The following NR6A1 variants were observed in gnomAD, a reference collection of about 807,000 sequenced individuals.
NR6A1 encodes nuclear receptor subfamily 6 group A member 1, also known as retinoic acid receptor-related testis-associated receptor.
In NR6A1, 7 loss-of-function variants were observed where a neutral mutation model predicts 59.1. That is an observed-to-expected ratio of 0.12 (90% CI 0.07 to 0.22). The LOEUF is 0.22. Ranked by LOEUF, NR6A1 falls within the 10% of genes least tolerant of loss-of-function variation. The pLI is 1.00. For missense variants in NR6A1, 468 were observed against 611.6 expected (o/e 0.77, Z 2.48); for synonymous variants, 243 against 236.1 (o/e 1.03, Z -0.27).
intron 2 of NR6A1, among the ~76,000 whole-genome samples, chr9:124,596,793 CGTGCT>C (rs1476561310): frequency 1.3e-5 from 2 of 152,188 alleles, no homozygotes; most frequent in East Asian, 3.9e-4. Context: ...ATTGGAGCCA[CGTGCT>C]AATGGCACAT....
intron 2 of NR6A1, among the ~76,000 whole-genome samples, chr9:124,713,533 G>A (rs561940032): frequency 1.6e-4 from 24 of 152,040 alleles, no homozygotes; most frequent in Admixed American, 6.6e-4. Context: ...GAAAGAACTC[G>A]TATAACTGAA....
intron 2 of NR6A1, among the ~76,000 whole-genome samples, chr9:124,592,922 A>G (rs1163813273): frequency 6.6e-6 from 1 of 152,184 alleles, no homozygotes; most frequent in South Asian, 2.1e-4. Context: ...GAAAGTACCT[A>G]ATGAATTAAT....
intron 2 of NR6A1, among the ~76,000 whole-genome samples, chr9:124,674,283 T>C (rs1016717291): frequency 6.6e-6 from 1 of 152,198 alleles, no homozygotes; most frequent in African/African-American, 2.4e-5. Context: ...AAATGGTAGA[T>C]GTTACCCCTT....
intron 2 of NR6A1, among the ~76,000 whole-genome samples, chr9:124,722,052 C>T (rs893721535): frequency 2.6e-5 from 4 of 152,196 alleles, no homozygotes; most frequent in African/African-American, 9.7e-5. Context: ...GCTATCCTTA[C>T]TATTATGTGG....
intron 2 of NR6A1, among the ~76,000 whole-genome samples, chr9:124,559,889 C>A (rs184969465): frequency 3.9e-4 from 60 of 152,154 alleles, no homozygotes; most frequent in Non-Finnish European, 6.9e-4. Flanking sequence ...ACAAAGTATC[C>A]AGAACTGAAT....
intron 2 of NR6A1, among the ~76,000 whole-genome samples, chr9:124,558,916 T>A (rs556552088): frequency 6.6e-6 from 1 of 152,182 alleles, no homozygotes; most frequent in East Asian, 1.9e-4. Flanking sequence ...TAATCGTGCC[T>A]GGCCAGATGT....
intron 2 of NR6A1, among the ~76,000 whole-genome samples, chr9:124,708,382 A>G (rs150349915): frequency 6.6e-6 from 1 of 152,340 alleles, no homozygotes; most frequent in East Asian, 1.9e-4. Flanking sequence ...CCCCAAGTAC[A>G]GTGGTTTTCA....
chr9:124,616,163 C>T (rs1835884038), intron 2 of NR6A1, among the ~76,000 whole-genome samples: 2 of 151,494 alleles, frequency 1.3e-5, no homozygotes, highest in South Asian at 4.2e-4. Context: ...TTTGGGAGGC[C>T]GAGGTGAGCA....
At chr9:124,717,695 C>T (rs1432449126) in intron 2 of NR6A1, among the ~76,000 whole-genome samples, 1 of 152,122 alleles carries the variant, frequency 6.6e-6, no homozygotes, top group Non-Finnish European at 1.5e-5. Flanking sequence ...TAGATCTATG[C>T]GTTTCATTGC....
At chr9:124,554,632 T>C in intron 2 of NR6A1, 62 bp from the exon 3 acceptor site, 1 of 1,604,222 alleles carries the variant, frequency 6.2e-7, no homozygotes, top group Non-Finnish European at 8.5e-7. Context: ...GTTCCTAAAG[T>C]GAGCAACTCT....
chr9:124,731,356 C>T (rs1214594823), intron 2 of NR6A1, among the ~76,000 whole-genome samples: 1 of 146,126 alleles, frequency 6.8e-6, no homozygotes. Context: ...GGTGACAGAG[C>T]GAAACTCCAT....
chr9:124,686,448 C>T (rs1295006726), intron 2 of NR6A1, among the ~76,000 whole-genome samples: 1 of 152,202 alleles, frequency 6.6e-6, no homozygotes. Flanking sequence ...ATGAATATCA[C>T]CTACTGCATG....
intron 4 of NR6A1, 114 bp from the exon 5 acceptor site, chr9:124,540,301 C>G (rs1833406587): frequency 1.1e-5 from 12 of 1,141,938 alleles, no homozygotes; most frequent in Non-Finnish European, 1.5e-5. Context: ...GGTTCCCTCT[C>G]CTCCATCCCC....
intron 3 of NR6A1, among the ~76,000 whole-genome samples, chr9:124,548,193 G>T (rs1833657597): frequency 6.6e-6 from 1 of 152,116 alleles, no homozygotes; most frequent in African/African-American, 2.4e-5. Flanking sequence ...AAGCAAATGT[G>T]GCAAAATGTT....
At chr9:124,538,439 C>T (rs1833347809) in intron 5 of NR6A1, 120 bp from the exon 6 acceptor site, 2 of 683,682 alleles carry the variant, frequency 2.9e-6, no homozygotes, top group Admixed American at 5.7e-5. Flanking sequence ...CTTCATCAAG[C>T]CAGGGGGCAT....
At chr9:124,675,099 C>T (rs1011550172) in intron 2 of NR6A1, among the ~76,000 whole-genome samples, 1 of 152,210 alleles carries the variant, frequency 6.6e-6, no homozygotes. Context: ...CCACAAACTT[C>T]ATCCCTGGGC....
At chr9:124,662,924 T>A (rs1837490094) in intron 2 of NR6A1, among the ~76,000 whole-genome samples, 1 of 152,216 alleles carries the variant, frequency 6.6e-6, no homozygotes, top group Admixed American at 6.5e-5. Flanking sequence ...GATCTCCAAA[T>A]ACTGGGAAGC....
chr9:124,770,710 G>T (rs1386418311), intron 1 of NR6A1, among the ~76,000 whole-genome samples: 1 of 126,558 alleles, frequency 7.9e-6, no homozygotes, highest in Non-Finnish European at 1.7e-5. Flanking sequence ...CTGAGGGGAC[G>T]GGGGGAGGGG....
In NR6A1 at chr9:124,685,489, G is replaced by A. The variant is rs114732757; in HGVS notation, c.142+47819C>T. On this transcript the variant is annotated intron_variant, in intron 2 of 9. Coordinates refer to ENST00000487099, the MANE Select transcript of NR6A1 (RefSeq NM_033334.4). Reference sequence around the variant, plus strand: ...AACTACTGGCAGACATCACAATGCCGGGCTAATTTTTTCAATTTTTAGTAG... The same window carrying A: ...AACTACTGGCAGACATCACAATGCCAGGCTAATTTTTTCAATTTTTAGTAG... Among the ~76,000 whole-genome samples the A allele has an allele frequency of 5.1e-3, 773 of 152,194 alleles. 1 individual carries two copies. Among genetic ancestry groups the A allele is most frequent in the African/African-American group, 0.017 (714 of 41,530 alleles).
Sources: gnomAD v4.1 joint callset for allele counts (sites outside exome capture counted in the v4.1 genomes callset) on GRCh38, gnomAD v4.1.1 for gene constraint, MANE v1.5 for transcripts, NCBI Gene and HGNC (gene_info 2026-07-23, HGNC 2026-07-21) for gene names.